Variants in MAP7D2 observed in about 807,000 individuals in gnomAD.
MAP7D2 encodes MAP7 domain containing 2.
Under a neutral mutation model 63.5 loss-of-function variants are expected in MAP7D2, and 33 were observed. The ratio of observed to expected loss-of-function variants is 0.52; its 90% CI spans 0.39 to 0.70. The LOEUF (loss-of-function observed/expected upper bound fraction) is 0.70. MAP7D2 is among the 30% of genes least tolerant of loss of function. MAP7D2 has a pLI of 0.00. For missense variants in MAP7D2, 626 were observed against 604.0 expected, an observed-to-expected ratio of 1.04 and a Z score of -0.38; for synonymous variants, 224 against 223.7, an observed-to-expected ratio of 1.00 and a Z score of -0.01.
intron 3 of MAP7D2, among the ~76,000 whole-genome samples, chrX:20,063,010 C>T (rs5955878): frequency 0.37 from 40,418 of 108,811 alleles, 8,926 homozygotes; most frequent in African/African-American, 0.83. Flanking sequence ...CCAGCCGCTA[C>T]CCACAATCTC....
Position 20,087,883 on chromosome X carries a change from T to C in MAP7D2, c.131-23078A>G, listed in dbSNP as rs975167766. On this transcript the variant is annotated intron_variant, in intron 1 of 16. Coordinates refer to ENST00000379643, the MANE Select transcript of MAP7D2 (RefSeq NM_001168465.2). ...ATCCAGCAACTAATTTCTTTTCTTT[T>C]TTTTTTTTTTTTTTTTTTTTTTTTT... 7.2e-3 allele frequency among the ~76,000 whole-genome samples: 305 copies of C among 42,431 alleles called. 1 individual carries two copies. The highest frequency in any genetic ancestry group is 0.011 in the Non-Finnish European group (249 of 22,395). 36.8% of individuals were successfully genotyped at this position (42,431 alleles called of 115,157 possible). A position where few individuals can be genotyped will look rare whatever the true frequency, so the allele number is the denominator to read the frequency against.
At chrX:20,031,774 C>A (rs1448627668) in intron 8 of MAP7D2, among the ~76,000 whole-genome samples, 1 of 111,675 alleles carries the variant, frequency 9.0e-6, no homozygotes, top group Non-Finnish European at 1.9e-5. Flanking sequence ...CTCAAAAAAA[C>A]CCAGAATCTT....
intron 1 of MAP7D2, among the ~76,000 whole-genome samples, chrX:20,099,200 G>A (rs1168241967): frequency 1.9e-5 from 2 of 107,919 alleles, no homozygotes; most frequent in East Asian, 5.8e-4. Flanking sequence ...ACCTTGTGAG[G>A]GCCAAGGAAG....
At chrX:20,103,466 TG>T (rs1383228246) in intron 1 of MAP7D2, among the ~76,000 whole-genome samples, 2 of 111,270 alleles carry the variant, frequency 1.8e-5, no homozygotes, top group African/African-American at 6.5e-5. Flanking sequence ...GTTCTGTTCT[TG>T]GTGGCCTACC....
intron 1 of MAP7D2, among the ~76,000 whole-genome samples, chrX:20,111,688 C>T (rs933180662): frequency 9.0e-6 from 1 of 111,676 alleles, no homozygotes; most frequent in Non-Finnish European, 1.9e-5. Context: ...CTGCACAACT[C>T]TGTGAATATA....
chrX:20,013,163 G>A (rs931484289), intron 13 of MAP7D2, 31 bp from the exon 14 acceptor site: 1 of 1,092,227 alleles, frequency 9.2e-7, no homozygotes, highest in African/African-American at 1.8e-5. Context: ...AATGAAATGA[G>A]GGAAGGCTGA....
Position 20,059,712 on chromosome X carries a change from G to A in MAP7D2, c.373-2921C>T, listed in dbSNP as rs180954153. On this transcript the variant is annotated intron_variant, in intron 3 of 16. Coordinates refer to ENST00000379643, the MANE Select transcript of MAP7D2 (RefSeq NM_001168465.2). ...GGAAGAAAGGATAGATAGGAAGGAA[G>A]GAAGGAAAGAAGGAAGGAAAAAAAG... Among the ~76,000 whole-genome samples the A allele has an allele frequency of 8.7e-4, 91 of 105,035 alleles. 2 individuals are homozygous for A. Among genetic ancestry groups the A allele is most frequent in the Middle Eastern group, 4.9e-3 (1 of 205 alleles). The allele number at this position is 105,035 out of a possible 115,157, so 91.2% of individuals were successfully genotyped here. A position where few individuals can be genotyped will look rare whatever the true frequency, so the allele number is the denominator to read the frequency against.
At chrX:20,116,701 C>G (rs370511251) in intron 1 of MAP7D2, 49 bp downstream of exon 1, 63 of 1,121,053 alleles carry the variant, frequency 5.6e-5, no homozygotes, top group Non-Finnish European at 6.1e-5. Context: ...CCCGCCCCCC[C>G]ACAGGAACCC....
chrX:20,009,975 A>T (rs2073135878), intron 16 of MAP7D2, among the ~76,000 whole-genome samples: 1 of 112,163 alleles, frequency 8.9e-6, no homozygotes, highest in Non-Finnish European at 1.9e-5. Context: ...AGCCTGGACA[A>T]CAGAGTGAGA....
intron 1 of MAP7D2, among the ~76,000 whole-genome samples, chrX:20,115,128 T>G (rs977648670): frequency 9.1e-6 from 1 of 109,867 alleles, no homozygotes; most frequent in Non-Finnish European, 1.9e-5. Context: ...CTTAAGCTAA[T>G]CTTAATATCA....
chrX:20,045,189 T>C (rs1368617041), intron 6 of MAP7D2, among the ~76,000 whole-genome samples: 1 of 110,984 alleles, frequency 9.0e-6, no homozygotes, highest in Non-Finnish European at 1.9e-5. Context: ...AGAAGACTCT[T>C]GGAAATCCAC....
chrX:20,013,745 A>T (rs1051455790), intron 12 of MAP7D2, 120 bp from the exon 13 acceptor site: 1 of 488,416 alleles, frequency 2.0e-6, no homozygotes. Flanking sequence ...GGCAAAAGTC[A>T]GAAGAGGATA....
chrX:20,080,662 G>C (rs1261625727), intron 1 of MAP7D2, among the ~76,000 whole-genome samples: 2 of 111,455 alleles, frequency 1.8e-5, no homozygotes, highest in African/African-American at 3.3e-5. Context: ...CAAGTACAGA[G>C]AGGGCAGCTG....
intron 1 of MAP7D2, among the ~76,000 whole-genome samples, chrX:20,094,518 A>ACG (rs2066174036): frequency 1.7e-4 from 1 of 5,805 alleles, no homozygotes; most frequent in Non-Finnish European, 2.5e-4. Flanking sequence ...ATATATATGT[A>ACG]TATATATATA....
intron 1 of MAP7D2, among the ~76,000 whole-genome samples, chrX:20,094,561 TATATATAC>T (rs1339069152): frequency 0.054 from 827 of 15,361 alleles, 117 homozygotes; most frequent in African/African-American, 0.2. Context: ...TATATATATA[TATATATAC>T]ATATATATGT....
At chrX:20,028,308 C>T (rs767175452) in intron 8 of MAP7D2, among the ~76,000 whole-genome samples, 4 of 111,819 alleles carry the variant, frequency 3.6e-5, no homozygotes, top group Non-Finnish European at 7.5e-5. Flanking sequence ...TCACCAAGAC[C>T]CCAAGATGTT....
At chrX:20,065,351 C>T (rs187313535) in intron 1 of MAP7D2, among the ~76,000 whole-genome samples, 1 of 106,946 alleles carries the variant, frequency 9.4e-6, no homozygotes, top group Admixed American at 1.0e-4. Flanking sequence ...ACTGCAACCT[C>T]TGCCTCCCAG....
intron 12 of MAP7D2, 39 bp downstream of exon 12, chrX:20,015,184 G>A: frequency 9.5e-7 from 1 of 1,047,612 alleles, no homozygotes; most frequent in Non-Finnish European, 1.3e-6. Flanking sequence ...TTTACTTCCT[G>A]TTCACTTACC....
intron 12 of MAP7D2, 120 bp downstream of exon 12, chrX:20,015,103 G>T: frequency 2.0e-6 from 1 of 495,490 alleles, no homozygotes; most frequent in Non-Finnish European, 3.5e-6. Flanking sequence ...TTTGAACAGT[G>T]GTATCAATGA....
Sources: gnomAD v4.1 joint callset for allele counts (sites outside exome capture counted in the v4.1 genomes callset) on GRCh38, gnomAD v4.1.1 for gene constraint, MANE v1.5 for transcripts, NCBI Gene and HGNC (gene_info 2026-07-23, HGNC 2026-07-21) for gene names.